TAF7L: variants seen among roughly 807,000 people sequenced by gnomAD.
TAF7L encodes TATA-box binding protein associated factor 7 like, also known as transcription initiation factor TFIID subunit 7-like.
A neutral mutation model predicts 30.2 loss-of-function variants in TAF7L; 6 were observed. That is an observed-to-expected ratio of 0.20 (90% CI 0.11 to 0.39). The LOEUF (loss-of-function observed/expected upper bound fraction) is 0.39, where lower values mean the gene tolerates loss of function less well. Among genes scored for constraint, TAF7L ranks in the 10% least tolerant of loss-of-function variants. TAF7L has a pLI of 1.00. For missense variants in TAF7L, 284 were observed against 277.1 expected (o/e 1.03, Z -0.18); for synonymous variants, 93 against 94.5 (o/e 0.98, Z 0.09).
chrX:101,289,554 C>A (rs1286395260), intron 1 of TAF7L, among the ~76,000 whole-genome samples: 1 of 111,415 alleles, frequency 9.0e-6, no homozygotes, highest in Non-Finnish European at 1.9e-5. Context: ...TAGAGCCCTG[C>A]ATTTTGGGTA....
chrX:101,286,260 A>G lies in TAF7L; in HGVS notation c.145+315T>C, dbSNP rs138584288. Among the ~76,000 whole-genome samples the G allele has an allele frequency of 6.8e-3, 752 of 111,394 alleles. 3 individuals carry two copies. The Middle Eastern group carries it at 0.07, about 10-fold the overall frequency. On this transcript the variant is annotated intron_variant, in intron 3 of 12. Transcript: ENST00000356784. The stretch of plus-strand genomic sequence containing the variant: ...TTTATAAACAAAGAATGGCATATCC[A>G]TTTGTCATTCCCTTGGATGTTCAGA...
chrX:101,281,741 C>T lies in TAF7L; in HGVS notation c.441G>A (p.Arg147=), dbSNP rs758569144. The T allele has an allele frequency of 1.7e-6, 2 of 1,210,674 alleles. No individual in the cohort carries two copies. The highest frequency in any genetic ancestry group is 1.1e-6 in the Non-Finnish European group (1 of 895,051). The change falls in exon 6 of 13, where the codon AGG becomes AGA. Residue 147 remains arginine, a synonymous_variant. Transcript: ENST00000356784. ...TAACCTTTTTTTGTGTTTTCCGGAA[C>T]CTTTTCTTTCTGACATTCTTAAGTG... ...TPPLKNVRKK[R]FRKTQKKVPD...
intron 11 of TAF7L, 56 bp downstream of exon 11, chrX:101,275,944 A>C: frequency 3.4e-6 from 3 of 881,729 alleles, no homozygotes; most frequent in Admixed American, 2.9e-5. Context: ...GGAAACACAA[A>C]GGCAAGATAC....
upstream of TAF7L, among the ~76,000 whole-genome samples, chrX:101,292,258 A>AAAT (rs1293408402): frequency 7.6e-4 from 30 of 39,495 alleles, no homozygotes; most frequent in African/African-American, 6.7e-3. Context: ...AAAATAAATA[A>AAAT]AAAAAATAAA....
chrX:101,269,505 CT>C (rs1923899565), intron 12 of TAF7L, among the ~76,000 whole-genome samples: 1 of 111,543 alleles, frequency 9.0e-6, no homozygotes, highest in South Asian at 3.8e-4. Flanking sequence ...AAAGATATAC[CT>C]GAGTTTGGGA....
rs142865017 is a variant in TAF7L at position 101,284,450 on chromosome X, C to T, written c.146-867G>A. Among the ~76,000 whole-genome samples the T allele has an allele frequency of 9.0e-3, 1,012 of 112,092 alleles. 3 individuals are homozygous for T. Among genetic ancestry groups the T allele is most frequent in the Non-Finnish European group, 0.015 (803 of 53,144 alleles). ...CATAATCTCTGCTCACTGCAATCTC[C>T]GCCCCCTGGGTTCAAGCAATTATCA... On this transcript the variant is annotated intron_variant, in intron 3 of 12. Coordinates refer to ENST00000356784, the MANE Select transcript of TAF7L (RefSeq NM_001168474.2).
rs756409810 is a variant in TAF7L, at chrX:101,276,001, T to C, written c.1025A>G (p.Lys342Arg). 8.5e-7 allele frequency: 1 copy of C among 1,175,672 alleles called. No homozygotes were observed. Among genetic ancestry groups the C allele is most frequent in the East Asian group, 3.0e-5 (1 of 33,659 alleles). ...TCTTTATGCCAGCCAAGAATTTACC[T>C]TGAGTGTCAGGTTTTCCACTTTCAT... ...LIMKVENLTL[K>R]NHFQSVLEQL... The change falls in exon 11 of 13, where the codon AAG becomes AGG. Residue 342 changes from lysine to arginine, a missense_variant and splice_region_variant. Physicochemically the swap from Lys to Arg is conservative, Grantham distance 26. Coordinates refer to ENST00000356784, the MANE Select transcript of TAF7L (RefSeq NM_001168474.2).
At chrX:101,291,383 C>G (rs996136095), upstream of TAF7L, 1 of 561,822 alleles carries the variant, frequency 1.8e-6, no homozygotes. Flanking sequence ...GCCGGCCCCT[C>G]CCCGCCTCGC....
At chrX:101,282,960 C>A (rs1289693964) in intron 4 of TAF7L, among the ~76,000 whole-genome samples, 1 of 110,411 alleles carries the variant, frequency 9.1e-6, no homozygotes, top group African/African-American at 3.3e-5. Context: ...TGAGGTCTCA[C>A]TATGTTGCCC....
At chrX:101,290,128 T>C (rs762653303) in intron 1 of TAF7L, among the ~76,000 whole-genome samples, 3 of 109,668 alleles carry the variant, frequency 2.7e-5, no homozygotes, top group Non-Finnish European at 5.7e-5. Context: ...ACCCAGGAGA[T>C]GGAGGCTGCA....
At chrX:101,278,226 C>T in intron 7 of TAF7L, 105 bp from the exon 8 acceptor site, 1 of 584,334 alleles carries the variant, frequency 1.7e-6, no homozygotes, top group Non-Finnish European at 2.8e-6. Flanking sequence ...AATGTTAGGC[C>T]TCTTTAAATT....
upstream of TAF7L, among the ~76,000 whole-genome samples, chrX:101,292,427 G>A (rs1164699083): frequency 1.3e-4 from 9 of 68,352 alleles, no homozygotes; most frequent in African/African-American, 5.8e-4. Context: ...CAACAAGAGC[G>A]AAACTCCGTC....
At chrX:101,286,461 G>A (rs957657183) in intron 3 of TAF7L, 114 bp downstream of exon 3, 33 of 502,671 alleles carry the variant, frequency 6.6e-5, no homozygotes, top group Non-Finnish European at 1.0e-4. Context: ...CATCAAGTCA[G>A]AGACCATATT....
chrX:101,276,264 T>C, intron 10 of TAF7L, 43 bp downstream of exon 10: 1 of 1,208,439 alleles, frequency 8.3e-7, no homozygotes, highest in Non-Finnish European at 1.1e-6. Flanking sequence ...CTGTTAGCAC[T>C]GCCACCCACC....
At chrX:101,292,265 T>TAAAAAAAAAAATAAA (rs766457568), upstream of TAF7L, among the ~76,000 whole-genome samples, 1 of 85,657 alleles carries the variant, frequency 1.2e-5, no homozygotes, top group African/African-American at 4.6e-5. Flanking sequence ...ATAAAAAAAA[T>TAAAAAAAAAAATAAA]AAATAAAAAT....
chrX:101,273,162 C>T (rs1924029691), intron 12 of TAF7L, among the ~76,000 whole-genome samples: 1 of 111,777 alleles, frequency 8.9e-6, no homozygotes, highest in Non-Finnish European at 1.9e-5. Context: ...TTTCAATCTC[C>T]ATTGCTACTA....
At position 101,276,355 on chromosome X, in the gene TAF7L, A is replaced by G; in HGVS notation, c.865T>C (p.Phe289Leu). ...GCCCTATACTGGCCAGATTCAATAAACTCGGCCTGCAGCTGCCTTTCCAGA... is the reference window on the plus strand; with the variant it reads ...GCCCTATACTGGCCAGATTCAATAAGCTCGGCCTGCAGCTGCCTTTCCAGA... ...EYLERQLQAE[F>L]IESGQYRANE... The change falls in exon 10 of 13, where the codon TTT (phenylalanine) becomes CTT (leucine). Residue 289 changes from phenylalanine (F) to leucine (L), a missense_variant. Transcript: ENST00000356784. 8.3e-7 allele frequency: 1 copy of G among 1,210,863 alleles called. No homozygotes were observed. The highest frequency in any genetic ancestry group is 1.1e-6 in the Non-Finnish European group (1 of 895,326).
chrX:101,284,699 T>C (rs1924521103), intron 3 of TAF7L, among the ~76,000 whole-genome samples: 1 of 111,848 alleles, frequency 8.9e-6, no homozygotes, highest in Non-Finnish European at 1.9e-5. Flanking sequence ...TGAACTTATA[T>C]TATCTTTTTT....
intron 1 of TAF7L, 37 bp downstream of exon 1, chrX:101,291,187 A>C (rs1030505488): frequency 1.6e-5 from 11 of 674,137 alleles, no homozygotes; most frequent in Non-Finnish European, 1.9e-5. Context: ...CGGGGCGCTG[A>C]CCCGGTCCCG....
Sources: allele counts gnomAD v4.1 joint callset (sites outside exome capture counted in the v4.1 genomes callset), GRCh38; gene constraint gnomAD v4.1.1; transcripts MANE v1.5; gene names NCBI Gene and HGNC (gene_info 2026-07-23, HGNC 2026-07-21).